The following PRPF6 variants were observed in gnomAD, a reference collection of about 807,000 sequenced individuals.
The protein encoded by PRPF6 is pre-mRNA processing factor 6.
Under a neutral mutation model 118.3 loss-of-function variants are expected in PRPF6, and 42 were observed. The observed-to-expected ratio is 0.35, with a 90% CI of 0.28 to 0.46. The LOEUF (loss-of-function observed/expected upper bound fraction) is 0.46, where lower values mean the gene tolerates loss of function less well. Among genes scored for constraint, PRPF6 ranks in the 20% least tolerant of loss-of-function variants. The pLI, the probability that PRPF6 is intolerant of heterozygous loss-of-function variation, is 1.00. For synonymous variants in PRPF6, 481 were observed against 485.1 expected, an observed-to-expected ratio of 0.99 and a Z score of 0.11; for missense variants, 662 against 1,255.7, an observed-to-expected ratio of 0.53 and a Z score of 7.15.
rs552013795 is a variant in PRPF6 at position 64,025,392 on chromosome 20, G to A, written c.1909-547G>A. ...TTCAGACAGCCCTGGGCACCGGGCT[G>A]GGGAGGCTTTGAGGGCAGAGCCTGC... On this transcript the variant is annotated intron_variant, in intron 14 of 20. Transcript: ENST00000266079. 3.9e-5 allele frequency among the ~76,000 whole-genome samples: 6 copies of A among 152,334 alleles called. No individual in the cohort carries two copies. The East Asian group carries it at 9.6e-4, about 24-fold the overall frequency.
chr20:64,014,306 C>T (rs1382169238), intron 11 of PRPF6, among the ~76,000 whole-genome samples: 1 of 152,086 alleles, frequency 6.6e-6, no homozygotes, highest in African/African-American at 2.4e-5. Flanking sequence ...AGATGTTCAA[C>T]TTATGGGCTT....
chr20:64,032,766 C>T, intron 20 of PRPF6, 75 bp from the exon 21 acceptor site: 1 of 1,537,738 alleles, frequency 6.5e-7, no homozygotes, highest in Non-Finnish European at 8.7e-7. Flanking sequence ...TCTGCAGGGG[C>T]CAGGCGAGAA....
Position 63,999,192 on chromosome 20 carries a change from G to A in PRPF6, c.866+53G>A, listed in dbSNP as rs1601516546. ...GGGATGGAGACTCTAGTTGCCTAGG[G>A]TATTTTGGATTTTATATGGACAGTA... On this transcript the variant is annotated intron_variant, in intron 7 of 20. Transcript: ENST00000266079. 4.7e-6 allele frequency: 7 copies of A among 1,499,480 alleles called. No homozygotes were observed. In the South Asian group the frequency reaches 8.0e-5, roughly 17 times the overall value. The allele number at this position is 1,499,480 out of a possible 1,614,324, so 92.9% of individuals were successfully genotyped here.
At chr20:64,017,450 G>A (rs1429082172) in intron 12 of PRPF6, among the ~76,000 whole-genome samples, 5 of 143,072 alleles carry the variant, frequency 3.5e-5, no homozygotes, top group African/African-American at 5.3e-5. Context: ...GGCGTGAGCC[G>A]CCCTGCCCGG....
chr20:64,013,211 C>A (rs190680194), intron 11 of PRPF6, among the ~76,000 whole-genome samples: 1 of 152,056 alleles, frequency 6.6e-6, no homozygotes, highest in Non-Finnish European at 1.5e-5. Flanking sequence ...GCAACCTGCC[C>A]GCCTTGGTCT....
intron 9 of PRPF6, among the ~76,000 whole-genome samples, chr20:64,003,309 T>C (rs762585589): frequency 2.0e-5 from 3 of 152,232 alleles, no homozygotes; most frequent in Non-Finnish European, 4.4e-5. Context: ...CAGTTTTCAG[T>C]GAGAGCTTTC....
intron 19 of PRPF6, 31 bp from the exon 20 acceptor site, chr20:64,031,887 A>G: frequency 6.2e-7 from 1 of 1,613,526 alleles, no homozygotes; most frequent in Non-Finnish European, 8.5e-7. Flanking sequence ...GCAGCCACTC[A>G]CTCTGGGTTC....
At chr20:63,993,268 GTA>G (rs147189959) in intron 3 of PRPF6, 137 bp from the exon 4 acceptor site, 13,503 of 291,244 alleles carry the variant, frequency 0.046, 2 homozygotes, top group South Asian at 0.077. Context: ...GTGTGTATAT[GTA>G]TATATATATA....
intron 3 of PRPF6, among the ~76,000 whole-genome samples, chr20:63,987,459 A>G (rs1050170199): frequency 1.3e-5 from 2 of 152,060 alleles, no homozygotes; most frequent in Admixed American, 6.6e-5. Context: ...TGGGCAACAC[A>G]ATGAGACTGT....
At chr20:64,016,937 C>T in intron 12 of PRPF6, 92 bp downstream of exon 12, 2 of 1,489,366 alleles carry the variant, frequency 1.3e-6, no homozygotes, top group Middle Eastern at 1.9e-4. Context: ...TATTTTAAAA[C>T]TCTTTTTTTT....
chr20:64,018,147 G>T (rs1267981355), intron 12 of PRPF6, among the ~76,000 whole-genome samples: 1 of 152,166 alleles, frequency 6.6e-6, no homozygotes, highest in African/African-American at 2.4e-5. Context: ...AGTGAGCTGT[G>T]ATTGCGCCAC....
rs1171693953 is a variant in PRPF6, at chr20:64,028,608, A to AC, written c.2431+40dup. ...CCGACTCCGGTAAGGGGGTGCCCTG[A>AC]CTCCGGTAAGGGGGTGCCTTGACTC... On this transcript the variant is annotated intron_variant, in intron 18 of 20. Coordinates refer to ENST00000266079, the MANE Select transcript of PRPF6 (RefSeq NM_012469.4). This position sits in a 1 kb window ranked among gnomAD's most constrained non-coding sequence, Gnocchi z 6.5. 3.1e-6 allele frequency: 5 copies of AC among 1,603,376 alleles called. No homozygotes were observed. The South Asian group carries it at 5.5e-5, about 18-fold the overall frequency.
chr20:63,992,856 A>C (rs1412747926), intron 3 of PRPF6, among the ~76,000 whole-genome samples: 5 of 152,014 alleles, frequency 3.3e-5, no homozygotes, highest in African/African-American at 9.6e-5. Context: ...TCAGCCTCCC[A>C]AGTAGCTGTG....
At chr20:64,008,107 T>C (rs556623858) in intron 9 of PRPF6, among the ~76,000 whole-genome samples, 37 of 152,342 alleles carry the variant, frequency 2.4e-4, no homozygotes, top group Non-Finnish European at 4.9e-4. Flanking sequence ...CATCATTAAA[T>C]GTCTACTGCA....
intron 9 of PRPF6, among the ~76,000 whole-genome samples, chr20:64,009,277 C>T (rs1300211420): frequency 4.4e-5 from 4 of 90,324 alleles, no homozygotes; most frequent in South Asian, 4.1e-4. Context: ...GAGACTCCAT[C>T]GCAAAAAAAA....
rs1281637617 is a variant in PRPF6 at position 64,029,480 on chromosome 20, G to C, written c.2535G>C (p.Leu845=). 3 of 1,614,108 alleles carry C rather than the reference G, an allele frequency of 1.9e-6. No individual in the cohort carries two copies. The highest frequency in any genetic ancestry group is 2.5e-6 in the Non-Finnish European group (3 of 1,180,020). The change falls in exon 19 of 21, where the codon CTG becomes CTC. Residue 845 remains leucine, a synonymous_variant. Transcript: ENST00000266079. The surrounding 1 kb of genome is among the most constrained non-coding windows in gnomAD (Gnocchi z 4.8). ...KKCEHDPHVL[L]AVAKLFWSQR... ...GTGAGCATGACCCCCATGTGCTCCT[G>C]GCCGTGGCCAAGTGAGTGGGGCCCC...
intron 13 of PRPF6, among the ~76,000 whole-genome samples, chr20:64,024,295 C>G (rs1390588656): frequency 6.6e-6 from 1 of 152,168 alleles, no homozygotes; most frequent in African/African-American, 2.4e-5. Context: ...AAAAGGTTCT[C>G]TTGTGAAGTT....
rs371394395 is a variant in PRPF6 at position 64,032,051 on chromosome 20, C to T, written c.2673+7C>T. ...GCTGCAGCATGGCACTGAGGTGAGG[C>T]CCCTCGACAGACCGCCGCTCAGTGC... is the stretch of plus-strand genomic sequence containing the variant. On this transcript the variant is annotated splice_region_variant and intron_variant, in intron 20 of 20. Transcript: ENST00000266079. The T allele has an allele frequency of 1.5e-5, 24 of 1,613,884 alleles. No homozygotes were observed. In the African/African-American group the frequency reaches 2.3e-4, roughly 15 times the overall value.
intron 14 of PRPF6, among the ~76,000 whole-genome samples, chr20:64,025,529 A>G (rs1455055602): frequency 6.6e-6 from 1 of 152,246 alleles, no homozygotes; most frequent in East Asian, 1.9e-4. Context: ...TCATGAGGAC[A>G]GGACAGCTGG....
Sources: allele counts gnomAD v4.1 joint callset (sites outside exome capture counted in the v4.1 genomes callset), GRCh38; gene constraint gnomAD v4.1.1; non-coding constraint Gnocchi (gnomAD v3.1); transcripts MANE v1.5; gene names NCBI Gene and HGNC (gene_info 2026-07-23, HGNC 2026-07-21).